TRMT11: variants seen among roughly 807,000 people sequenced by gnomAD.
The protein encoded by TRMT11 is tRNA methyltransferase 11, also known as tRNA (guanine(10)-N(2))-methyltransferase TRMT11.
In TRMT11, 53 loss-of-function variants were observed where a neutral mutation model predicts 62.8. The ratio of observed to expected loss-of-function variants is 0.84; its 90% CI spans 0.68 to 1.06. The LOEUF is 1.06. TRMT11 is among the 50% of genes least tolerant of loss of function. The probability of loss-of-function intolerance (pLI) is 0.00; values close to 1 mark genes in which losing one functional copy is unlikely to be tolerated. For synonymous variants in TRMT11, 188 were observed against 190.3 expected, an observed-to-expected ratio of 0.99 and a Z score of 0.10; for missense variants, 556 against 553.4, an observed-to-expected ratio of 1.00 and a Z score of -0.05.
the TRMT11 span, chr6:126,258,000 T>C: frequency 6.5e-7 from 1 of 1,538,208 alleles, no homozygotes; most frequent in Non-Finnish European, 9.0e-7. Flanking sequence ...CTCGGTGGGT[T>C]TGTAACAGTC....
At chr6:126,155,178 A>G (rs1309452616) in intron 21 of TRMT11, among the ~76,000 whole-genome samples, 1 of 152,220 alleles carries the variant, frequency 6.6e-6, no homozygotes, top group African/African-American at 2.4e-5. Flanking sequence ...TTACAATCAT[A>G]GGAGAAGTTG....
intron 17 of TRMT11, among the ~76,000 whole-genome samples, chr6:126,069,590 C>T (rs544261589): frequency 2.6e-4 from 39 of 152,312 alleles, no homozygotes; most frequent in African/African-American, 9.4e-4. Flanking sequence ...CACTTGGAAA[C>T]AGTCATCAAG....
chr6:126,187,498 T>G (rs1303798719), intron 1 of TRMT11, among the ~76,000 whole-genome samples: 1 of 152,020 alleles, frequency 6.6e-6, no homozygotes, highest in African/African-American at 2.4e-5. Flanking sequence ...GTCTGTAAAT[T>G]GTTAGACTCA....
the TRMT11 span, among the ~76,000 whole-genome samples, chr6:126,268,510 G>C: frequency 6.6e-5 from 10 of 152,258 alleles, no homozygotes; most frequent in East Asian, 1.9e-3. Context: ...TTCTGAACTC[G>C]CATCTTTGGA....
intron 3 of TRMT11, among the ~76,000 whole-genome samples, chr6:126,200,155 GA>G (rs1173149539): frequency 1.3e-5 from 2 of 152,190 alleles, no homozygotes; most frequent in African/African-American, 4.8e-5. Flanking sequence ...AGAAAACAGA[GA>G]AGAACAGAAA....
chr6:126,018,467 AT>A (rs918891043), intron 11 of TRMT11, among the ~76,000 whole-genome samples: 7 of 151,374 alleles, frequency 4.6e-5, no homozygotes, highest in African/African-American at 1.2e-4. Context: ...GTACACAATT[AT>A]TTTTTTTTAA....
At chr6:126,239,031 C>T in the TRMT11 span, among the ~76,000 whole-genome samples, 810 of 152,026 alleles carry the variant, frequency 5.3e-3, 1 homozygote, top group Non-Finnish European at 9.7e-3. Flanking sequence ...TAGGATTGCA[C>T]CCCCTTCCTT....
chr6:126,093,581 G>GTATATATATA (rs1562321267), intron 17 of TRMT11, among the ~76,000 whole-genome samples: 34 of 37,082 alleles, frequency 9.2e-4, no homozygotes, highest in Non-Finnish European at 1.2e-3. Context: ...AACAGGATAT[G>GTATATATATA]TATGTATATA....
the TRMT11 span, among the ~76,000 whole-genome samples, chr6:126,267,450 T>G: frequency 6.6e-6 from 1 of 152,148 alleles, no homozygotes; most frequent in Non-Finnish European, 1.5e-5. Flanking sequence ...CTCATAGTCT[T>G]TGTACACTGA....
chr6:125,995,829 T>G, intron 2 of TRMT11, 138 bp from the exon 3 acceptor site: 1 of 629,168 alleles, frequency 1.6e-6, no homozygotes, highest in South Asian at 1.9e-5. Flanking sequence ...GGAACGATTT[T>G]TATTTTGGTT....
intron 17 of TRMT11, among the ~76,000 whole-genome samples, chr6:126,098,872 A>C (rs577712633): frequency 6.6e-6 from 1 of 152,300 alleles, no homozygotes; most frequent in South Asian, 2.1e-4. Context: ...GATTTTTTTT[A>C]AAGTAGGTAA....
chr6:126,021,187 C>T lies in TRMT11; in HGVS notation c.1167C>T (p.His389=), dbSNP rs1452427650. 1.9e-6 allele frequency: 3 copies of T among 1,614,118 alleles called. No individual in the cohort carries two copies. Among genetic ancestry groups the T allele is most frequent in the Middle Eastern group, 1.7e-4 (1 of 6,054 alleles). ...PEYTEEMVPW[H]PCLELVSNCE... ...ACACTGAAGAGATGGTGCCTTGGCA[C>T]CCTTGCCTGGAACTCGTTAGCAACT... is the stretch of plus-strand genomic sequence containing the variant. Residue 389 remains histidine (H), a synonymous_variant, in exon 12 of 13, where the codon CAC becomes CAT. Transcript: ENST00000334379.
chr6:126,207,260 G>T (rs1778799250), downstream of TRMT11, among the ~76,000 whole-genome samples: 1 of 152,170 alleles, frequency 6.6e-6, no homozygotes, highest in Non-Finnish European at 1.5e-5. Flanking sequence ...CCCAGGAATT[G>T]TTTTGTTTGG....
chr6:126,241,403 C>G, the TRMT11 span, among the ~76,000 whole-genome samples: 4 of 152,124 alleles, frequency 2.6e-5, no homozygotes, highest in Non-Finnish European at 5.9e-5. Context: ...GAAACTATTC[C>G]AATCAATAGA....
At chr6:126,020,940 T>C (rs900390756) in intron 11 of TRMT11, among the ~76,000 whole-genome samples, 32 of 152,262 alleles carry the variant, frequency 2.1e-4, no homozygotes, top group African/African-American at 7.5e-4. Flanking sequence ...TATTTCTCTC[T>C]CTCTTATTCT....
In TRMT11 at chr6:126,115,807, G is replaced by C. The variant is rs1583879455; in HGVS notation, c.*1775G>C. Among the ~76,000 whole-genome samples, 8 of 151,966 alleles carry C rather than the reference G, an allele frequency of 5.3e-5. No individual in the cohort carries two copies. The South Asian group carries it at 1.5e-3, about 28-fold the overall frequency. ...AGGGAGGAGAGTATTGCTTCTTCCTGTTCCCATTAGTGTCACCTCAGCAGT... is the reference window on the plus strand; with the variant it reads ...AGGGAGGAGAGTATTGCTTCTTCCTCTTCCCATTAGTGTCACCTCAGCAGT... On this transcript the variant is annotated 3_prime_UTR_variant and NMD_transcript_variant, in exon 21 of 23. Coordinates refer to the TRMT11 transcript ENST00000648977.
the TRMT11 span, among the ~76,000 whole-genome samples, chr6:126,235,840 C>A: frequency 2.0e-5 from 3 of 152,144 alleles, no homozygotes. Context: ...CCATCCTGCA[C>A]ATGTACCCCT....
At chr6:126,102,811 T>A (rs536294565) in intron 17 of TRMT11, among the ~76,000 whole-genome samples, 5 of 152,338 alleles carry the variant, frequency 3.3e-5, no homozygotes, top group South Asian at 2.1e-4. Context: ...AGGTTCTTAC[T>A]GTGCTAAGCA....
chr6:125,989,570 A>G (rs1790262838), intron 1 of TRMT11, among the ~76,000 whole-genome samples: 1 of 152,210 alleles, frequency 6.6e-6, no homozygotes, highest in African/African-American at 2.4e-5. Context: ...AGAGAGGCTC[A>G]GGAGTGTGAC....
Sources: allele counts gnomAD v4.1 joint callset (sites outside exome capture counted in the v4.1 genomes callset), GRCh38; gene constraint gnomAD v4.1.1; transcripts MANE v1.5; gene names NCBI Gene and HGNC (gene_info 2026-07-23, HGNC 2026-07-21).